Variants in GRIN2A observed in about 807,000 individuals in gnomAD.
The protein encoded by GRIN2A is glutamate receptor ionotropic, NMDA 2A.
In GRIN2A, 22 loss-of-function variants were observed where a neutral mutation model predicts 113.4. The ratio of observed to expected loss-of-function variants is 0.19; its 90% CI spans 0.14 to 0.28. The LOEUF is 0.28. Among genes scored for constraint, GRIN2A ranks in the 10% least tolerant of loss-of-function variants. GRIN2A has a pLI of 1.00. For synonymous variants in GRIN2A, 827 were observed against 738.4 expected (o/e 1.12, Z -1.94); for missense variants, 1,502 against 1,887.0 (o/e 0.80, Z 3.78).
intron 3 of GRIN2A, among the ~76,000 whole-genome samples, chr16:9,917,581 C>T (rs2044276600): frequency 6.6e-6 from 1 of 152,220 alleles, no homozygotes; most frequent in Non-Finnish European, 1.5e-5. Flanking sequence ...CCAAAATGCA[C>T]ATCTTTTGCA....
intron 2 of GRIN2A, among the ~76,000 whole-genome samples, chr16:9,970,557 G>A (rs1206195232): frequency 1.3e-5 from 2 of 152,170 alleles, no homozygotes; most frequent in Admixed American, 6.5e-5. Flanking sequence ...GGCTGCTGGA[G>A]GGCCCTAGAA....
rs1039462395 is a variant in GRIN2A at position 9,759,049 on chromosome 16, T to C, written c.*4100A>G. 1 of 220,460 alleles carries C rather than the reference T, an allele frequency of 4.5e-6. No individual in the cohort carries two copies. The highest frequency in any genetic ancestry group is 9.1e-6 in the Non-Finnish European group (1 of 110,058). 13.7% of individuals were successfully genotyped at this position (220,460 alleles called of 1,614,324 possible). On this transcript the variant is annotated 3_prime_UTR_variant, in exon 13 of 13. Coordinates refer to ENST00000330684, the MANE Select transcript of GRIN2A (RefSeq NM_001134407.3). Reference sequence around the variant, plus strand: ...GGCTCCATTTCAGAAACAACGCATGTCCCCTTTTCAAGGATTCATGCACAA... The same window carrying C: ...GGCTCCATTTCAGAAACAACGCATGCCCCCTTTTCAAGGATTCATGCACAA...
chr16:9,926,818 C>T (rs2044475614), intron 3 of GRIN2A, among the ~76,000 whole-genome samples: 1 of 152,012 alleles, frequency 6.6e-6, no homozygotes, highest in African/African-American at 2.4e-5. Context: ...ATTATTATCA[C>T]TAACTCCATC....
intron 5 of GRIN2A, among the ~76,000 whole-genome samples, chr16:9,847,168 A>G (rs1229244120): frequency 1.3e-5 from 2 of 152,210 alleles, no homozygotes; most frequent in South Asian, 2.1e-4. Flanking sequence ...CTTGAGAAGC[A>G]TAGATCTGGG....
chr16:10,132,891 G>A (rs1051370802), intron 2 of GRIN2A, among the ~76,000 whole-genome samples: 1 of 152,214 alleles, frequency 6.6e-6, no homozygotes, highest in Non-Finnish European at 1.5e-5. Flanking sequence ...AAATGGACCA[G>A]CAGGCCTTCC....
intron 12 of GRIN2A, among the ~76,000 whole-genome samples, chr16:9,767,169 A>G (rs1354277573): frequency 6.6e-6 from 1 of 152,220 alleles, no homozygotes; most frequent in African/African-American, 2.4e-5. Flanking sequence ...GTTATTTTTA[A>G]GCAATCTATG....
At chr16:9,880,877 G>A (rs2043466522) in intron 4 of GRIN2A, among the ~76,000 whole-genome samples, 1 of 152,140 alleles carries the variant, frequency 6.6e-6, no homozygotes. Flanking sequence ...AACACCTGGA[G>A]TTGCCAAAAC....
At chr16:10,083,254 C>T (rs963470785) in intron 2 of GRIN2A, among the ~76,000 whole-genome samples, 6 of 152,222 alleles carry the variant, frequency 3.9e-5, no homozygotes, top group Non-Finnish European at 8.8e-5. Context: ...GTGCAAGGCA[C>T]AACCAGTCCT....
At chr16:9,853,657 T>C (rs1298097139) in intron 4 of GRIN2A, among the ~76,000 whole-genome samples, 4 of 152,222 alleles carry the variant, frequency 2.6e-5, no homozygotes, top group Non-Finnish European at 5.9e-5. Flanking sequence ...AAAAGATTTA[T>C]AGAAGTCACC....
In GRIN2A at chr16:9,756,671, C is replaced by T. The variant is rs1333865872; in HGVS notation, c.*6478G>A. The T allele has an allele frequency of 1.0e-5, 2 of 190,528 alleles. No individual in the cohort carries two copies. The highest frequency in any genetic ancestry group is 2.3e-5 in the African/African-American group (1 of 42,942). The allele number at this position is 190,528 out of a possible 1,614,324, so 11.8% of individuals were successfully genotyped here. ...TATATCTTAAGGTTGTTTTGAGGAT[C>T]ACATTCTAGGATATGCCTAGAATAT... On this transcript the variant is annotated 3_prime_UTR_variant, in exon 13 of 13. Transcript: ENST00000330684.
At chr16:9,961,601 T>C (rs150808072) in intron 2 of GRIN2A, among the ~76,000 whole-genome samples, 1 of 152,280 alleles carries the variant, frequency 6.6e-6, no homozygotes, top group East Asian at 1.9e-4. Context: ...GAACTAGAAA[T>C]GTTCTATATC....
At chr16:9,771,825 C>CT (rs1052666379) in intron 11 of GRIN2A, among the ~76,000 whole-genome samples, 1 of 152,134 alleles carries the variant, frequency 6.6e-6, no homozygotes, top group Non-Finnish European at 1.5e-5. Context: ...ACTTTGATTA[C>CT]TACACCATTT....
chr16:9,932,603 G>A (rs960708118), intron 3 of GRIN2A, among the ~76,000 whole-genome samples: 7 of 151,644 alleles, frequency 4.6e-5, no homozygotes, highest in Non-Finnish European at 8.8e-5. Flanking sequence ...CAGGCTGGTC[G>A]AACTCCTGAC....
chr16:9,861,293 CAA>C (rs956239369), intron 4 of GRIN2A, among the ~76,000 whole-genome samples: 2 of 152,104 alleles, frequency 1.3e-5, no homozygotes, highest in African/African-American at 4.8e-5. Context: ...GGAGGAAAAA[CAA>C]AGCAAACGGG....
At chr16:10,005,210 C>A (rs1349328858) in intron 2 of GRIN2A, among the ~76,000 whole-genome samples, 1 of 152,094 alleles carries the variant, frequency 6.6e-6, no homozygotes, top group African/African-American at 2.4e-5. Context: ...TCTTTGCCAG[C>A]ACTTATTTTA....
At chr16:10,176,204 C>T (rs993248830) in intron 2 of GRIN2A, among the ~76,000 whole-genome samples, 8 of 151,952 alleles carry the variant, frequency 5.3e-5, no homozygotes, top group Non-Finnish European at 1.0e-4. Context: ...GGGGTTTAAG[C>T]ATGTTGGCCA....
At position 10,159,448 on chromosome 16, in the gene GRIN2A, C is replaced by T. The variant is rs76288553; in HGVS notation, c.414+20550G>A. Among the ~76,000 whole-genome samples the T allele has an allele frequency of 1.8e-4, 28 of 152,240 alleles. No individual in the cohort carries two copies. The East Asian group carries it at 5.2e-3, about 28-fold the overall frequency. ...GATTGTGGAGGCATCTGCAAAGCTC[C>T]AACTACTAAGGACTATATCTAGAGA... On this transcript the variant is annotated intron_variant, in intron 2 of 12. Transcript: ENST00000330684.
At chr16:9,849,990 T>A (rs1234447307) in intron 4 of GRIN2A, 29 bp from the exon 5 acceptor site, 1 of 1,587,182 alleles carries the variant, frequency 6.3e-7, no homozygotes, top group South Asian at 1.1e-5. Context: ...GACACAGCTG[T>A]GCTTTCTTCC....
At chr16:10,071,936 G>A (rs2047761022) in intron 2 of GRIN2A, among the ~76,000 whole-genome samples, 1 of 152,248 alleles carries the variant, frequency 6.6e-6, no homozygotes, top group East Asian at 1.9e-4. Flanking sequence ...GCACAGAAAG[G>A]TGGGTAGGTT....
Sources: gnomAD v4.1 joint callset for allele counts (sites outside exome capture counted in the v4.1 genomes callset) on GRCh38, gnomAD v4.1.1 for gene constraint, MANE v1.5 for transcripts, NCBI Gene and HGNC (gene_info 2026-07-23, HGNC 2026-07-21) for gene names.